FBXL17: variants seen among roughly 807,000 people sequenced by gnomAD.
The protein encoded by FBXL17 is F-box/LRR-repeat protein 17.
FBXL17 carries 22 observed loss-of-function variants against 66.2 expected under a neutral mutation model. That is an observed-to-expected ratio of 0.33 (90% CI 0.24 to 0.47). The LOEUF is 0.47. Ranked by LOEUF, FBXL17 falls within the 20% of genes least tolerant of loss-of-function variation. The probability of loss-of-function intolerance (pLI) is 1.00; values close to 1 mark genes in which losing one functional copy is unlikely to be tolerated. For synonymous variants in FBXL17, 474 were observed against 400.5 expected (o/e 1.18, Z -2.19); for missense variants, 878 against 948.2 (o/e 0.93, Z 0.97).
chr5:107,872,921 C>T (rs1383706057), intron 8 of FBXL17, among the ~76,000 whole-genome samples: 1 of 152,174 alleles, frequency 6.6e-6, no homozygotes, highest in Non-Finnish European at 1.5e-5. Context: ...GACAAACATT[C>T]TCTGGCAGGA....
chr5:108,340,127 TAAA>T (rs753999927), intron 4 of FBXL17, among the ~76,000 whole-genome samples: 1 of 133,300 alleles, frequency 7.5e-6, no homozygotes, highest in African/African-American at 2.8e-5. Context: ...GCTATGTGAT[TAAA>T]AAAAAAAAAA....
At chr5:108,288,744 A>G (rs888392748) in intron 4 of FBXL17, among the ~76,000 whole-genome samples, 3 of 152,096 alleles carry the variant, frequency 2.0e-5, no homozygotes, top group Non-Finnish European at 4.4e-5. Context: ...ACAAAGGTAA[A>G]TGAAAGAGAA....
At chr5:108,331,742 C>T (rs1411842888) in intron 4 of FBXL17, among the ~76,000 whole-genome samples, 3 of 152,128 alleles carry the variant, frequency 2.0e-5, no homozygotes, top group Non-Finnish European at 4.4e-5. Flanking sequence ...TCCTGACCAA[C>T]TACACCCGTC....
chr5:108,210,335 T>C (rs865823516), intron 5 of FBXL17, among the ~76,000 whole-genome samples: 10 of 152,220 alleles, frequency 6.6e-5, no homozygotes, highest in South Asian at 2.1e-4. Context: ...ATCTTGGTTA[T>C]TTCTTGTCTT....
At chr5:107,990,774 GAAA>G (rs1753207850) in intron 7 of FBXL17, among the ~76,000 whole-genome samples, 1 of 152,130 alleles carries the variant, frequency 6.6e-6, no homozygotes, top group East Asian at 1.9e-4. Context: ...ACAGAAACAT[GAAA>G]GACAAGGTCC....
At chr5:108,203,745 T>C (rs1199323652) in intron 5 of FBXL17, among the ~76,000 whole-genome samples, 1 of 152,166 alleles carries the variant, frequency 6.6e-6, no homozygotes, top group Non-Finnish European at 1.5e-5. Flanking sequence ...TAAGGCAATC[T>C]AAACCAATCG....
chr5:108,003,045 A>C (rs925035326), intron 7 of FBXL17, among the ~76,000 whole-genome samples: 9 of 152,248 alleles, frequency 5.9e-5, no homozygotes, highest in African/African-American at 2.2e-4. Flanking sequence ...TGAATTTTAT[A>C]ATGTATAAAG....
intron 4 of FBXL17, among the ~76,000 whole-genome samples, chr5:108,245,352 C>A (rs1756046108): frequency 6.6e-6 from 1 of 151,782 alleles, no homozygotes; most frequent in African/African-American, 2.4e-5. Context: ...GTATTTTAAT[C>A]ATAAATGGAA....
intron 4 of FBXL17, among the ~76,000 whole-genome samples, chr5:108,343,779 A>C (rs1277632751): frequency 6.6e-6 from 1 of 152,218 alleles, no homozygotes; most frequent in African/African-American, 2.4e-5. Flanking sequence ...AAAAAAAATT[A>C]AACTGTCAGT....
intron 7 of FBXL17, among the ~76,000 whole-genome samples, chr5:107,948,926 C>A (rs1751403960): frequency 6.6e-6 from 1 of 152,140 alleles, no homozygotes; most frequent in Non-Finnish European, 1.5e-5. Context: ...GTGTGTAACA[C>A]TAAGCTAGGC....
chr5:107,955,753 TAG>T (rs2112616415), intron 7 of FBXL17, among the ~76,000 whole-genome samples: 1 of 152,306 alleles, frequency 6.6e-6, no homozygotes, highest in African/African-American at 2.4e-5. Context: ...ATTCTCAAGG[TAG>T]CCTGCTTTTA....
At chr5:108,141,167 C>A (rs1474680008) in intron 6 of FBXL17, among the ~76,000 whole-genome samples, 1 of 152,138 alleles carries the variant, frequency 6.6e-6, no homozygotes, top group Non-Finnish European at 1.5e-5. Context: ...CCTTCTACAG[C>A]CTGGTTTTGT....
chr5:108,177,911 G>GTATATATA (rs70996985), intron 6 of FBXL17, among the ~76,000 whole-genome samples: 2,241 of 115,196 alleles, frequency 0.019, 92 homozygotes, highest in East Asian at 0.09. Context: ...AAAAAAAAAT[G>GTATATATA]TATATATATA....
At chr5:108,153,123 G>C (rs1488071894) in intron 6 of FBXL17, among the ~76,000 whole-genome samples, 1 of 152,132 alleles carries the variant, frequency 6.6e-6, no homozygotes, top group Non-Finnish European at 1.5e-5. Context: ...ATGATTGTGA[G>C]GCCTCCCCAG....
intron 6 of FBXL17, among the ~76,000 whole-genome samples, chr5:108,145,528 T>C (rs1327405516): frequency 6.6e-6 from 1 of 152,166 alleles, no homozygotes; most frequent in Non-Finnish European, 1.5e-5. Flanking sequence ...TCCTTCCTTC[T>C]CCCACTTACT....
At position 108,324,740 on chromosome 5, in the gene FBXL17, ATGTG is replaced by A. The variant is rs10540114; in HGVS notation, c.1506+23655_1506+23658del. Among the ~76,000 whole-genome samples the A allele has an allele frequency of 2.4e-3, 366 of 151,066 alleles. 1 individual carries two copies. Among genetic ancestry groups the A allele is most frequent in the African/African-American group, 8.6e-3 (353 of 41,238 alleles). On this transcript the variant is annotated intron_variant, in intron 4 of 8. Transcript: ENST00000542267. Reference sequence around the variant, plus strand: ...AAAGGTGGTGTGTATATGTATATATATGTGTGTGTGTGTGTGCATGCACATGTAC... The same window carrying A: ...AAAGGTGGTGTGTATATGTATATATATGTGTGTGTGTGCATGCACATGTAC...
chr5:107,879,332 T>C (rs1445985630), intron 8 of FBXL17: 50 of 985,336 alleles, frequency 5.1e-5, no homozygotes, highest in Non-Finnish European at 5.8e-5. Flanking sequence ...TGATTCCTGT[T>C]TCTAGAGGAC....
chr5:108,312,257 T>A (rs1391863943), intron 4 of FBXL17, among the ~76,000 whole-genome samples: 1 of 152,124 alleles, frequency 6.6e-6, no homozygotes, highest in East Asian at 1.9e-4. Context: ...AAAAACACAA[T>A]TTTTAAAAAA....
intron 6 of FBXL17, among the ~76,000 whole-genome samples, chr5:108,102,769 A>G (rs970498105): frequency 6.6e-6 from 1 of 152,220 alleles, no homozygotes; most frequent in Non-Finnish European, 1.5e-5. Context: ...ACACTCAGAA[A>G]TAATGCCTCC....
Sources: allele counts gnomAD v4.1 joint callset (sites outside exome capture counted in the v4.1 genomes callset), GRCh38; gene constraint gnomAD v4.1.1; transcripts MANE v1.5; gene names NCBI Gene and HGNC (gene_info 2026-07-23, HGNC 2026-07-21).